The following MGMT variants were observed in gnomAD, a reference collection of about 807,000 sequenced individuals.
MGMT encodes the protein methylated-DNA--protein-cysteine methyltransferase.
Under a neutral mutation model 15.9 loss-of-function variants are expected in MGMT, and 14 were observed. That is an observed-to-expected ratio of 0.88 (90% confidence interval 0.58 to 1.37). MGMT has a LOEUF of 1.37. Ranked by LOEUF, MGMT falls within the 40% of genes most tolerant of loss-of-function variation. The pLI, the probability that MGMT is intolerant of heterozygous loss-of-function variation, is 0.00. For missense variants in MGMT, 282 were observed against 268.1 expected, an observed-to-expected ratio of 1.05 and a Z score of -0.36; for synonymous variants, 130 against 118.2, an observed-to-expected ratio of 1.10 and a Z score of -0.65.
At chr10:129,562,789 A>G (rs1043422331) in intron 2 of MGMT, among the ~76,000 whole-genome samples, 3 of 152,166 alleles carry the variant, frequency 2.0e-5, no homozygotes, top group Non-Finnish European at 4.4e-5. Context: ...AGTGAAGTTA[A>G]CACCGATCTC....
At chr10:129,636,440 G>A (rs182117757) in intron 2 of MGMT, among the ~76,000 whole-genome samples, 3 of 152,362 alleles carry the variant, frequency 2.0e-5, no homozygotes, top group African/African-American at 7.2e-5. Context: ...TTATAGCCCA[G>A]TTTGGGGTGA....
At chr10:129,558,076 C>T (rs1846235423) in intron 2 of MGMT, among the ~76,000 whole-genome samples, 2 of 152,172 alleles carry the variant, frequency 1.3e-5, no homozygotes, top group South Asian at 2.1e-4. Flanking sequence ...CATCATCCCA[C>T]GTGTGCGTGA....
At chr10:129,723,656 G>C (rs1274339818) in intron 3 of MGMT, among the ~76,000 whole-genome samples, 2 of 152,170 alleles carry the variant, frequency 1.3e-5, no homozygotes, top group South Asian at 2.1e-4. Flanking sequence ...CTTCTAAGAA[G>C]GGTATATGAA....
chr10:129,467,694 T>G (rs1845185358), intron 1 of MGMT, among the ~76,000 whole-genome samples: 1 of 152,202 alleles, frequency 6.6e-6, no homozygotes, highest in African/African-American at 2.4e-5. Flanking sequence ...GCAGCAACCC[T>G]TTAGCATACT....
In MGMT at chr10:129,556,644, A is replaced by G. The variant is rs1265589067; in HGVS notation, c.125+20267A>G. On this transcript the variant is annotated intron_variant, in intron 2 of 4. Coordinates refer to ENST00000651593, the MANE Select transcript of MGMT (RefSeq NM_002412.5). This position sits in a 1 kb window ranked among gnomAD's most constrained non-coding sequence, Gnocchi z 4.3. ...TAGAAGAGGCGCCGCCATCCCAGAC[A>G]GTGTTCATAAACACCGACGGCAAAG... Among the ~76,000 whole-genome samples, 1 of 152,206 alleles carries G rather than the reference A, an allele frequency of 6.6e-6. No individual in the cohort carries two copies. Among genetic ancestry groups the G allele is most frequent in the Admixed American group, 6.5e-5 (1 of 15,288 alleles).
At chr10:129,517,845 C>T (rs1203228089) in intron 1 of MGMT, among the ~76,000 whole-genome samples, 2 of 152,216 alleles carry the variant, frequency 1.3e-5, no homozygotes, top group African/African-American at 4.8e-5. Flanking sequence ...CCCGGGACTG[C>T]TGATTGAATG....
chr10:129,758,951 A>G (rs1848838229), intron 3 of MGMT, among the ~76,000 whole-genome samples: 1 of 152,244 alleles, frequency 6.6e-6, no homozygotes, highest in South Asian at 2.1e-4. Context: ...GAAGATGGAA[A>G]GAAATTGCAA....
chr10:129,739,667 A>G (rs544046688), intron 3 of MGMT, among the ~76,000 whole-genome samples: 6 of 152,220 alleles, frequency 3.9e-5, no homozygotes, highest in African/African-American at 1.2e-4. Flanking sequence ...CAGAACCCCT[A>G]TACCAAGCTT....
At chr10:129,722,590 CTG>C (rs1373130790) in intron 3 of MGMT, among the ~76,000 whole-genome samples, 1 of 152,204 alleles carries the variant, frequency 6.6e-6, no homozygotes, top group African/African-American at 2.4e-5. Context: ...TCCTACAAAT[CTG>C]TGGTAATCAA....
rs1356633879 is a variant in MGMT at position 129,566,007 on chromosome 10, G to A, written c.125+29630G>A. Among the ~76,000 whole-genome samples, 2 of 152,200 alleles carry A rather than the reference G, an allele frequency of 1.3e-5. No homozygotes were observed. The highest frequency in any genetic ancestry group is 4.8e-5 in the African/African-American group (2 of 41,444). On this transcript the variant is annotated intron_variant, in intron 2 of 4. Coordinates refer to ENST00000651593, the MANE Select transcript of MGMT (RefSeq NM_002412.5). The surrounding 1 kb of genome is among the most constrained non-coding windows in gnomAD (Gnocchi z 4.1). ...AGGCAGGCTGGAGCCACAGGTCTGA[G>A]TTCTGTCCAGTTCAGGTTCGTAGGC...
At chr10:129,729,312 G>C (rs1469036303) in intron 3 of MGMT, among the ~76,000 whole-genome samples, 1 of 152,184 alleles carries the variant, frequency 6.6e-6, no homozygotes, top group Non-Finnish European at 1.5e-5. Flanking sequence ...CCCAGTCCCA[G>C]CCAGGAGAGC....
At chr10:129,743,994 C>T (rs1848666502) in intron 3 of MGMT, among the ~76,000 whole-genome samples, 1 of 152,228 alleles carries the variant, frequency 6.6e-6, no homozygotes. Flanking sequence ...CTGGTGAGGA[C>T]AGAGGAGGAC....
Position 129,707,998 on chromosome 10 carries a change from GA to G in MGMT, c.231del (p.Glu78SerfsTer26). 6.2e-7 allele frequency: 1 copy of G among 1,613,816 alleles called. No individual in the cohort carries two copies. On this transcript the variant is annotated frameshift_variant, in exon 3 of 5. Coordinates refer to ENST00000651593, the MANE Select transcript of MGMT (RefSeq NM_002412.5). LOFTEE classifies it high-confidence loss of function. ...CTATTTCCACCAGCCCGAGGCTATC[GA>G]AGAGTTCCCCGTGCCGGCTCTTCAC... Reference protein sequence around the residue: ...NAYFHQPEAIEEFPVPALHHP... With the variant: ...NAYFHQPEAIXEFPVPALHHP...
rs7914037 is a variant in MGMT, at chr10:129,769,878, G to T, written c.*2881G>T. 0.013 allele frequency among the ~76,000 whole-genome samples: 2,042 copies of T among 152,306 alleles called. 42 individuals carry two copies. Among genetic ancestry groups the T allele is most frequent in the African/African-American group, 0.046 (1,931 of 41,568 alleles). ...AATCAGGAAGCTTGGAGGAGCTCTT[G>T]CATGAGGAATTGCAGAACTTAGGGG... On this transcript the variant is annotated 3_prime_UTR_variant, in exon 5 of 5. Coordinates refer to ENST00000651593, the MANE Select transcript of MGMT (RefSeq NM_002412.5).
chr10:129,737,938 GA>G (rs1200426114), intron 3 of MGMT, among the ~76,000 whole-genome samples: 1 of 152,216 alleles, frequency 6.6e-6, no homozygotes, highest in Non-Finnish European at 1.5e-5. Context: ...CGTGCTGGGA[GA>G]ACCACTGCTC....
chr10:129,490,174 C>G (rs1225346426), intron 1 of MGMT, among the ~76,000 whole-genome samples: 1 of 152,088 alleles, frequency 6.6e-6, no homozygotes, highest in Non-Finnish European at 1.5e-5. Flanking sequence ...TATTTCAGAG[C>G]TGAAGAAAAC....
chr10:129,713,176 G>GT (rs1848252616), intron 3 of MGMT, among the ~76,000 whole-genome samples: 1 of 152,298 alleles, frequency 6.6e-6, no homozygotes, highest in Admixed American at 6.5e-5. Flanking sequence ...GCCACCACGT[G>GT]TGGGTGGCCA....
chr10:129,528,836 A>T (rs1285480837), intron 1 of MGMT, among the ~76,000 whole-genome samples: 1 of 152,180 alleles, frequency 6.6e-6, no homozygotes, highest in Non-Finnish European at 1.5e-5. Flanking sequence ...TGACTTTAGA[A>T]AAAGTATATG....
At chr10:129,735,481 A>G (rs1848549843) in intron 3 of MGMT, among the ~76,000 whole-genome samples, 1 of 152,102 alleles carries the variant, frequency 6.6e-6, no homozygotes, top group Non-Finnish European at 1.5e-5. Flanking sequence ...CTAGCGGTCT[A>G]TCAATTTTGT....
Sources: gnomAD v4.1 joint callset for allele counts (sites outside exome capture counted in the v4.1 genomes callset) on GRCh38, gnomAD v4.1.1 for gene constraint, Gnocchi (gnomAD v3.1) non-coding constraint, MANE v1.5 for transcripts, NCBI Gene and HGNC (gene_info 2026-07-23, HGNC 2026-07-21) for gene names.